NRXN1: variants seen among roughly 807,000 people sequenced by gnomAD.
The protein encoded by NRXN1 is neurexin-1.
NRXN1 carries 39 observed loss-of-function variants against 150.9 expected under a neutral mutation model. The observed-to-expected ratio is 0.26, with a 90% CI of 0.20 to 0.34. The LOEUF is 0.34. Among genes scored for constraint, NRXN1 ranks in the 10% least tolerant of loss-of-function variants. The probability of loss-of-function intolerance (pLI) is 1.00; values close to 1 mark genes in which losing one functional copy is unlikely to be tolerated. For synonymous variants in NRXN1, 924 were observed against 757.0 expected (o/e 1.22, Z -3.62); for missense variants, 1,815 against 1,949.9 (o/e 0.93, Z 1.30).
At chr2:50,058,623 A>G (rs1694007106) in intron 19 of NRXN1, among the ~76,000 whole-genome samples, 1 of 152,190 alleles carries the variant, frequency 6.6e-6, no homozygotes, top group African/African-American at 2.4e-5. Context: ...ATACATTGTG[A>G]TATGGTTTAG....
chr2:50,402,137 T>C (rs926440895), intron 17 of NRXN1, among the ~76,000 whole-genome samples: 2 of 152,072 alleles, frequency 1.3e-5, no homozygotes, highest in African/African-American at 4.8e-5. Flanking sequence ...GTTTGGAAAA[T>C]AAAATTAATC....
chr2:50,264,840 C>T (rs1443802422), intron 17 of NRXN1, among the ~76,000 whole-genome samples: 1 of 152,056 alleles, frequency 6.6e-6, no homozygotes, highest in East Asian at 1.9e-4. Context: ...CCATGAGTCT[C>T]ATATCAAGAC....
intron 17 of NRXN1, among the ~76,000 whole-genome samples, chr2:50,292,001 G>C (rs1463112657): frequency 6.6e-6 from 1 of 152,048 alleles, no homozygotes; most frequent in African/African-American, 2.4e-5. Context: ...GTGGCTTCTG[G>C]AAGCTGCCAC....
chr2:50,446,771 T>A (rs1034670252), intron 17 of NRXN1, among the ~76,000 whole-genome samples: 2 of 152,058 alleles, frequency 1.3e-5, no homozygotes, highest in African/African-American at 4.8e-5. Flanking sequence ...TTTTATTTTG[T>A]CTTCTACTTG....
intron 18 of NRXN1, among the ~76,000 whole-genome samples, chr2:50,141,699 G>A (rs1323287699): frequency 6.6e-6 from 1 of 151,976 alleles, no homozygotes; most frequent in East Asian, 1.9e-4. Context: ...ACAGGTATAT[G>A]AAAAAGTGTT....
intron 21 of NRXN1, among the ~76,000 whole-genome samples, chr2:49,999,984 G>A (rs1355618663): frequency 6.6e-6 from 1 of 152,138 alleles, no homozygotes; most frequent in African/African-American, 2.4e-5. Flanking sequence ...AAAACAAAAG[G>A]TATATTAAAT....
chr2:50,334,224 T>C (rs567366419), intron 17 of NRXN1, among the ~76,000 whole-genome samples: 6 of 145,782 alleles, frequency 4.1e-5, no homozygotes, highest in South Asian at 2.2e-4. Flanking sequence ...TATGTAGATA[T>C]TGTTTAACGG....
At chr2:50,959,275 G>A (rs764695549) in intron 2 of NRXN1, among the ~76,000 whole-genome samples, 1 of 151,802 alleles carries the variant, frequency 6.6e-6, no homozygotes, top group Non-Finnish European at 1.5e-5. Flanking sequence ...TCAAGAGAAC[G>A]GAAAATATAT....
intron 5 of NRXN1, among the ~76,000 whole-genome samples, chr2:50,802,045 G>GA (rs937962051): frequency 1.3e-5 from 2 of 151,504 alleles, no homozygotes; most frequent in African/African-American, 4.9e-5. Context: ...TTTCTGTGTG[G>GA]AAAAAAAATC....
chr2:50,373,593 AAGAG>A (rs1376259355), intron 17 of NRXN1, among the ~76,000 whole-genome samples: 7 of 149,962 alleles, frequency 4.7e-5, no homozygotes, highest in Non-Finnish European at 1.0e-4. Flanking sequence ...GAAAGAAAGA[AAGAG>A]AGAGAGAAAG....
intron 17 of NRXN1, among the ~76,000 whole-genome samples, chr2:50,316,193 G>A (rs1020853775): frequency 1.3e-5 from 2 of 151,990 alleles, no homozygotes; most frequent in African/African-American, 2.4e-5. Flanking sequence ...AATGTTGGGG[G>A]AAGAGGATTT....
intron 8 of NRXN1, among the ~76,000 whole-genome samples, chr2:50,558,650 C>A (rs1344545406): frequency 6.6e-6 from 1 of 152,170 alleles, no homozygotes; most frequent in African/African-American, 2.4e-5. Flanking sequence ...TAGAATGTAA[C>A]AAACGTTATC....
chr2:50,135,417 T>C (rs1028814738), intron 18 of NRXN1, among the ~76,000 whole-genome samples: 1 of 152,144 alleles, frequency 6.6e-6, no homozygotes, highest in African/African-American at 2.4e-5. Flanking sequence ...AGCTGCCCAA[T>C]CGCGGTGGCT....
chr2:50,691,186 A>C (rs1201794901), intron 5 of NRXN1, among the ~76,000 whole-genome samples: 1 of 152,160 alleles, frequency 6.6e-6, no homozygotes, highest in African/African-American at 2.4e-5. Context: ...TTATACCCTA[A>C]GTGATGATTA....
chr2:50,946,787 G>C (rs1009281250), intron 2 of NRXN1, among the ~76,000 whole-genome samples: 1 of 152,080 alleles, frequency 6.6e-6, no homozygotes, highest in Non-Finnish European at 1.5e-5. Context: ...AAAAATCACA[G>C]ACAGGTATCT....
chr2:50,994,460 G>A (rs895383693), intron 2 of NRXN1, among the ~76,000 whole-genome samples: 5 of 151,938 alleles, frequency 3.3e-5, no homozygotes, highest in East Asian at 3.9e-4. Context: ...ATATTATCAC[G>A]ACTTTTGTTT....
chr2:50,295,600 C>T (rs1292878409), intron 17 of NRXN1, among the ~76,000 whole-genome samples: 3 of 152,168 alleles, frequency 2.0e-5, no homozygotes, highest in Non-Finnish European at 4.4e-5. Flanking sequence ...TTCTATAAAA[C>T]ATCTTTCACA....
intron 5 of NRXN1, among the ~76,000 whole-genome samples, chr2:50,662,763 T>C (rs1687477367): frequency 6.6e-6 from 1 of 151,974 alleles, no homozygotes; most frequent in South Asian, 2.1e-4. Context: ...AGAATTTTGA[T>C]CAGGGAAATT....
intron 22 of NRXN1, among the ~76,000 whole-genome samples, chr2:49,925,698 A>C (rs1212384262): frequency 6.6e-6 from 1 of 152,204 alleles, no homozygotes; most frequent in African/African-American, 2.4e-5. Context: ...AATCTGCAAC[A>C]TGTTTTTCTC....
Sources: gnomAD v4.1 joint callset for allele counts (sites outside exome capture counted in the v4.1 genomes callset) on GRCh38, gnomAD v4.1.1 for gene constraint, MANE v1.5 for transcripts, NCBI Gene and HGNC (gene_info 2026-07-23, HGNC 2026-07-21) for gene names.